NREP: variants seen among roughly 807,000 people sequenced by gnomAD.
The protein encoded by NREP is neuronal regeneration-related protein.
NREP carries 5 observed loss-of-function variants against 8.6 expected under a neutral mutation model. The observed-to-expected ratio is 0.58, with a 90% CI of 0.30 to 1.22. The LOEUF (loss-of-function observed/expected upper bound fraction) is 1.22, where lower values mean the gene tolerates loss of function less well. NREP is among the 50% of genes most tolerant of loss of function. NREP has a pLI of 0.07. For synonymous variants in NREP, 27 were observed against 28.0 expected, an observed-to-expected ratio of 0.96 and a Z score of 0.11; for missense variants, 86 against 82.5, an observed-to-expected ratio of 1.04 and a Z score of -0.17.
chr5:111,745,815 G>T (rs539823350), intron 2 of NREP, among the ~76,000 whole-genome samples: 1 of 152,124 alleles, frequency 6.6e-6, no homozygotes, highest in East Asian at 1.9e-4. Flanking sequence ...AAACTACTAA[G>T]AATGATAAAT....
At position 111,843,312 on chromosome 5, in the gene NREP, CTTGA is replaced by C. The variant is rs1016381565; in HGVS notation, c.136-107809_136-107806del. Among the ~76,000 whole-genome samples, 8 of 151,664 alleles carry C rather than the reference CTTGA, an allele frequency of 5.3e-5. No individual in the cohort carries two copies. In the South Asian group the frequency reaches 6.2e-4, roughly 12 times the overall value. ...GCTTGCTGATTGCTTCCTTCTTCTG[CTTGA>C]TTAAGTTTACTGTGGAAGTATTTAA... On this transcript the variant is annotated intron_variant, in intron 2 of 3. Coordinates refer to the NREP transcript ENST00000395634.
chr5:111,841,262 A>G (rs1449237756), intron 2 of NREP, among the ~76,000 whole-genome samples: 1 of 152,158 alleles, frequency 6.6e-6, no homozygotes, highest in South Asian at 2.1e-4. Context: ...ATATTTATCC[A>G]TCAGCTCCTT....
At chr5:111,976,107 T>G (rs139935581) in intron 1 of NREP, among the ~76,000 whole-genome samples, 1 of 152,294 alleles carries the variant, frequency 6.6e-6, no homozygotes, top group East Asian at 1.9e-4. Flanking sequence ...TGTTTTGAGA[T>G]CTAACATTTT....
At chr5:111,891,829 C>A (rs1256304911) in intron 2 of NREP, among the ~76,000 whole-genome samples, 2 of 152,140 alleles carry the variant, frequency 1.3e-5, no homozygotes, top group Non-Finnish European at 1.5e-5. Context: ...GGGCATGGTG[C>A]TGAACCATTC....
At chr5:111,745,717 A>G (rs948619546) in intron 2 of NREP, among the ~76,000 whole-genome samples, 3 of 152,202 alleles carry the variant, frequency 2.0e-5, no homozygotes, top group Non-Finnish European at 2.9e-5. Flanking sequence ...GCAGACACAC[A>G]AACCATATAC....
chr5:111,975,416 AC>A (rs1756934941), intron 1 of NREP: 3 of 1,456,082 alleles, frequency 2.1e-6, no homozygotes, highest in Non-Finnish European at 1.9e-6. Context: ...GTGAGCACTG[AC>A]CCCCCTGAGT....
chr5:111,870,373 T>A (rs1462680363), intron 2 of NREP, among the ~76,000 whole-genome samples: 3 of 152,158 alleles, frequency 2.0e-5, no homozygotes, highest in Non-Finnish European at 4.4e-5. Context: ...GAGATTGCAG[T>A]AAGCCAAGAT....
At chr5:111,880,691 G>T (rs371518863) in intron 2 of NREP, among the ~76,000 whole-genome samples, 6 of 150,550 alleles carry the variant, frequency 4.0e-5, no homozygotes, top group Non-Finnish European at 7.4e-5. Flanking sequence ...GGATTACAGA[G>T]GTAGATACAA....
chr5:111,905,816 T>C lies in NREP; in HGVS notation c.135+69458A>G, dbSNP rs1243428286. ...TGACTTTTTAAGGCTTTAATACAAA[T>C]TGATTGGTTTAATAAAATTAAATAC... On this transcript the variant is annotated intron_variant, in intron 2 of 3. Coordinates refer to the NREP transcript ENST00000395634. Among the ~76,000 whole-genome samples the C allele has an allele frequency of 5.3e-5, 8 of 152,130 alleles. No individual in the cohort carries two copies. In the East Asian group the frequency reaches 1.5e-3, roughly 29 times the overall value.
chr5:111,832,429 T>A (rs144803181), intron 2 of NREP, among the ~76,000 whole-genome samples: 195 of 151,930 alleles, frequency 1.3e-3, no homozygotes, highest in Non-Finnish European at 1.2e-3. Flanking sequence ...TACTTGTGGG[T>A]CTGATGAGGT....
chr5:111,848,746 C>T (rs972160415), intron 2 of NREP, among the ~76,000 whole-genome samples: 11 of 151,098 alleles, frequency 7.3e-5, no homozygotes, highest in Admixed American at 2.6e-4. Context: ...TATTTCAGTG[C>T]GTAAGATGAA....
chr5:111,832,145 C>T (rs1179926858), intron 2 of NREP, among the ~76,000 whole-genome samples: 2 of 152,112 alleles, frequency 1.3e-5, no homozygotes, highest in African/African-American at 2.4e-5. Context: ...AGAGCCACAA[C>T]CCTGGCCTCT....
At chr5:111,766,115 A>T (rs1465422621) in intron 2 of NREP, among the ~76,000 whole-genome samples, 4 of 152,204 alleles carry the variant, frequency 2.6e-5, no homozygotes, top group South Asian at 2.1e-4. Flanking sequence ...CTTCAAGTTC[A>T]TCTTGATTTC....
chr5:111,962,131 T>C (rs1301339130), intron 2 of NREP, among the ~76,000 whole-genome samples: 1 of 152,146 alleles, frequency 6.6e-6, no homozygotes, highest in Non-Finnish European at 1.5e-5. Context: ...AATAGTTCAG[T>C]TCCAGTACCA....
chr5:111,848,993 G>A (rs1753246711), intron 2 of NREP, among the ~76,000 whole-genome samples: 1 of 152,028 alleles, frequency 6.6e-6, no homozygotes, highest in African/African-American at 2.4e-5. Flanking sequence ...CTCTTCACTG[G>A]CCCTGGGTTA....
At chr5:111,848,745 G>A (rs1186753711) in intron 2 of NREP, among the ~76,000 whole-genome samples, 2 of 151,522 alleles carry the variant, frequency 1.3e-5, no homozygotes, top group Non-Finnish European at 2.9e-5. Context: ...ATATTTCAGT[G>A]CGTAAGATGA....
chr5:111,869,724 G>C (rs199927453), intron 2 of NREP, among the ~76,000 whole-genome samples: 1 of 152,124 alleles, frequency 6.6e-6, no homozygotes, highest in Non-Finnish European at 1.5e-5. Context: ...AAGCATTATG[G>C]AGTAAAGAAT....
At chr5:111,769,873 C>T (rs188100462) in intron 2 of NREP, among the ~76,000 whole-genome samples, 3 of 152,326 alleles carry the variant, frequency 2.0e-5, no homozygotes, top group Admixed American at 2.0e-4. Context: ...TCTTCCCCAA[C>T]ACTGAGAATT....
chr5:111,830,966 T>C (rs1013581201), intron 2 of NREP, among the ~76,000 whole-genome samples: 3 of 152,202 alleles, frequency 2.0e-5, no homozygotes, highest in Admixed American at 6.5e-5. Flanking sequence ...ACTTCCCTGT[T>C]CCATAAGTGA....
Sources: allele counts gnomAD v4.1 joint callset (sites outside exome capture counted in the v4.1 genomes callset), GRCh38; gene constraint gnomAD v4.1.1; transcripts MANE v1.5; gene names NCBI Gene and HGNC (gene_info 2026-07-23, HGNC 2026-07-21).